Variants in KIZ observed in about 807,000 individuals in gnomAD.
The protein encoded by KIZ is centrosomal protein kizuna.
In KIZ, 68 loss-of-function variants were observed where a neutral mutation model predicts 79.6. That is an observed-to-expected ratio of 0.85 (90% CI 0.70 to 1.05). The LOEUF (loss-of-function observed/expected upper bound fraction) is 1.05, where lower values mean the gene tolerates loss of function less well. KIZ is among the 50% of genes least tolerant of loss of function. KIZ has a pLI of 0.00. For synonymous variants in KIZ, 280 were observed against 281.8 expected (o/e 0.99, Z 0.06); for missense variants, 797 against 800.4 (o/e 1.00, Z 0.05).
At chr20:21,130,516 C>G (rs2031775806) in intron 1 of KIZ, among the ~76,000 whole-genome samples, 1 of 152,154 alleles carries the variant, frequency 6.6e-6, no homozygotes, top group Non-Finnish European at 1.5e-5. Flanking sequence ...AATGTGGAAG[C>G]AATTATGCTA....
intron 9 of KIZ, among the ~76,000 whole-genome samples, chr20:21,227,027 T>C (rs1232512951): frequency 2.6e-5 from 4 of 152,154 alleles, no homozygotes; most frequent in African/African-American, 9.7e-5. Context: ...ATGGAAAGTG[T>C]GGAGCATAGA....
chr20:21,165,122 A>G (rs959621372), intron 6 of KIZ, among the ~76,000 whole-genome samples: 6 of 152,194 alleles, frequency 3.9e-5, no homozygotes, highest in African/African-American at 7.2e-5. Context: ...AAACAGTTCA[A>G]TATTTCAATT....
intron 3 of KIZ, among the ~76,000 whole-genome samples, chr20:21,137,575 A>T (rs76963250): frequency 2.0e-5 from 3 of 151,684 alleles, no homozygotes; most frequent in Non-Finnish European, 4.4e-5. Context: ...AACACTCATA[A>T]TTCTCCACTT....
intron 4 of KIZ, among the ~76,000 whole-genome samples, chr20:21,153,423 T>G (rs1048866757): frequency 6.6e-6 from 1 of 152,160 alleles, no homozygotes; most frequent in Non-Finnish European, 1.5e-5. Context: ...AATACACCAT[T>G]AAAGCCTAAT....
chr20:21,170,850 C>A (rs1236550634), intron 6 of KIZ, among the ~76,000 whole-genome samples: 3 of 152,140 alleles, frequency 2.0e-5, no homozygotes, highest in Non-Finnish European at 4.4e-5. Flanking sequence ...TTTTAGCTCC[C>A]CCAAATAAAT....
At chr20:21,178,550 G>C (rs1031009075) in intron 6 of KIZ, among the ~76,000 whole-genome samples, 3 of 151,456 alleles carry the variant, frequency 2.0e-5, no homozygotes, top group African/African-American at 7.3e-5. Flanking sequence ...ACTTGGATTT[G>C]AATAGCTTTT....
In KIZ at chr20:21,163,092, T is replaced by A; in HGVS notation, c.1285T>A (p.Cys429Ser). Residue 429 changes from cysteine to serine, a missense_variant, in exon 6 of 13, where the codon TGT becomes AGT. Physicochemically the swap from Cys to Ser is moderately radical, Grantham distance 112 (BLOSUM62 -1). Coordinates refer to ENST00000619189, the MANE Select transcript of KIZ (RefSeq NM_018474.6). ...AGTTGCCCTATCCACTGAAAAAAAT[T>A]GTATTTTGCAAACCCTAAGCTCTCC... is the stretch of plus-strand genomic sequence containing the variant. ...ERVALSTEKN[C>S]ILQTLSSPDS... is the part of the protein sequence containing the mutation. 6.2e-7 allele frequency: 1 copy of A among 1,613,872 alleles called. No individual in the cohort carries two copies. Among genetic ancestry groups the A allele is most frequent in the Non-Finnish European group, 8.5e-7 (1 of 1,179,782 alleles).
intron 6 of KIZ, among the ~76,000 whole-genome samples, chr20:21,170,184 C>G (rs993689142): frequency 1.9e-4 from 29 of 152,014 alleles, no homozygotes; most frequent in African/African-American, 7.0e-4. Context: ...GTATATGTAT[C>G]TATTTATAGG....
chr20:21,149,650 C>T (rs987561006), intron 4 of KIZ, among the ~76,000 whole-genome samples: 1 of 152,174 alleles, frequency 6.6e-6, no homozygotes, highest in Non-Finnish European at 1.5e-5. Flanking sequence ...GAAGACAGCA[C>T]CCCAGTATGA....
At chr20:21,218,646 T>C (rs2036392446) in intron 9 of KIZ, 1 of 152,250 alleles carries the variant, frequency 6.6e-6, no homozygotes, top group Non-Finnish European at 1.5e-5. Flanking sequence ...GAATTCTTTC[T>C]GTTAATAGCC....
chr20:21,223,704 C>G (rs1437869169), intron 9 of KIZ, among the ~76,000 whole-genome samples: 1 of 137,740 alleles, frequency 7.3e-6, no homozygotes, highest in Non-Finnish European at 1.5e-5. Context: ...GAGTCTTGCT[C>G]TCTCACCCAG....
intron 6 of KIZ, chr20:21,196,844 A>T (rs2035362826): frequency 6.6e-6 from 1 of 152,248 alleles, no homozygotes; most frequent in African/African-American, 2.4e-5. Flanking sequence ...ACTTCAGAGT[A>T]GGGCTAAGCC....
intron 6 of KIZ, among the ~76,000 whole-genome samples, chr20:21,164,092 C>T (rs2033821202): frequency 6.6e-6 from 1 of 152,210 alleles, no homozygotes; most frequent in Admixed American, 6.5e-5. Context: ...GCCCCACCCC[C>T]AGAATTTTCT....
At chr20:21,155,786 T>C (rs995324556) in intron 4 of KIZ, among the ~76,000 whole-genome samples, 1 of 152,256 alleles carries the variant, frequency 6.6e-6, no homozygotes, top group African/African-American at 2.4e-5. Flanking sequence ...TTTTATGACT[T>C]CATGACCTTT....
At chr20:21,169,937 GTCTGGAGGTACCAGAGTTTA>G (rs1473015897) in intron 6 of KIZ, among the ~76,000 whole-genome samples, 1 of 152,070 alleles carries the variant, frequency 6.6e-6, no homozygotes, top group Non-Finnish European at 1.5e-5. Context: ...ATACTCCATT[GTCTGGAGGTACCAGAGTTTA>G]TCCATTCACC....
chr20:21,189,938 T>G (rs1430884192), intron 6 of KIZ, among the ~76,000 whole-genome samples: 1 of 152,118 alleles, frequency 6.6e-6, no homozygotes, highest in East Asian at 1.9e-4. Context: ...GGCTGCACAA[T>G]GGAGATTGAG....
chr20:21,224,742 G>A (rs1472668455), intron 9 of KIZ, among the ~76,000 whole-genome samples: 1 of 152,128 alleles, frequency 6.6e-6, no homozygotes, highest in Non-Finnish European at 1.5e-5. Context: ...GGTGAACCAC[G>A]TGTTTGTCTG....
At chr20:21,220,671 C>T (rs564521660) in intron 9 of KIZ, among the ~76,000 whole-genome samples, 3 of 152,088 alleles carry the variant, frequency 2.0e-5, no homozygotes, top group South Asian at 4.2e-4. Flanking sequence ...TTAATAGAGA[C>T]GGTTTTGCCC....
intron 2 of KIZ, among the ~76,000 whole-genome samples, chr20:21,135,365 G>A (rs1014872286): frequency 1.6e-4 from 25 of 152,182 alleles, no homozygotes; most frequent in African/African-American, 3.4e-4. Flanking sequence ...AGTTACTTGC[G>A]TCAAAAATGC....
Sources: gnomAD v4.1 joint callset for allele counts (sites outside exome capture counted in the v4.1 genomes callset) on GRCh38, gnomAD v4.1.1 for gene constraint, MANE v1.5 for transcripts, NCBI Gene and HGNC (gene_info 2026-07-23, HGNC 2026-07-21) for gene names.